Variants in CCDC158 observed in about 807,000 individuals in gnomAD.
The protein encoded by CCDC158 is coiled-coil domain-containing protein 158.
A neutral mutation model predicts 138.6 loss-of-function variants in CCDC158; 116 were observed. The ratio of observed to expected loss-of-function variants is 0.84; its 90% CI spans 0.72 to 0.98. The LOEUF (loss-of-function observed/expected upper bound fraction) is 0.98. CCDC158 is among the 50% of genes least tolerant of loss of function. The pLI is 0.00. For missense variants in CCDC158, 1,265 were observed against 1,306.1 expected (o/e 0.97, Z 0.48); for synonymous variants, 436 against 442.4 (o/e 0.99, Z 0.18).
intron 4 of CCDC158, among the ~76,000 whole-genome samples, chr4:76,393,748 A>G (rs929611884): frequency 2.0e-5 from 3 of 152,120 alleles, no homozygotes; most frequent in Non-Finnish European, 2.9e-5. Context: ...GGGATTAATT[A>G]CCAGAATATA....
At chr4:76,322,749 T>C (rs1720143548) in intron 24 of CCDC158, among the ~76,000 whole-genome samples, 1 of 152,214 alleles carries the variant, frequency 6.6e-6, no homozygotes, top group South Asian at 2.1e-4. Flanking sequence ...ACTTAGAACT[T>C]ATGCCCAAAA....
chr4:76,396,744 C>T (rs775216573), intron 3 of CCDC158, among the ~76,000 whole-genome samples: 4 of 151,986 alleles, frequency 2.6e-5, no homozygotes, highest in Admixed American at 2.0e-4. Context: ...GGTCTGGTCT[C>T]GTACTCCTGA....
intron 9 of CCDC158, among the ~76,000 whole-genome samples, chr4:76,373,657 G>T (rs368441592): frequency 6.6e-6 from 1 of 152,028 alleles, no homozygotes; most frequent in African/African-American, 2.4e-5. Context: ...ATAAGGAATA[G>T]AAGTTATATA....
At chr4:76,344,805 C>T (rs1309457079) in intron 18 of CCDC158, 47 of 1,604,526 alleles carry the variant, frequency 2.9e-5, no homozygotes, top group South Asian at 1.2e-4. Context: ...CAATGGTCCT[C>T]GAGAGAAGAT....
intron 6 of CCDC158, 48 bp downstream of exon 6, chr4:76,384,040 T>A (rs2110309023): frequency 7.9e-7 from 1 of 1,260,872 alleles, no homozygotes; most frequent in African/African-American, 1.5e-5. Flanking sequence ...GCTATTCTCT[T>A]AATGCATTTT....
intron 16 of CCDC158, 87 bp from the exon 17 acceptor site, chr4:76,351,899 C>A: frequency 1.3e-6 from 1 of 774,322 alleles, no homozygotes; most frequent in South Asian, 1.7e-5. Flanking sequence ...GCTGCCATCT[C>A]TTCAAAAAAT....
intron 7 of CCDC158, 33 bp downstream of exon 7, chr4:76,383,629 C>T (rs1217772902): frequency 6.6e-7 from 1 of 1,517,512 alleles, no homozygotes; most frequent in Non-Finnish European, 9.1e-7. Context: ...TTTAGTTTCG[C>T]TAGGCTTTTC....
chr4:76,334,211 C>T (rs769126653), intron 18 of CCDC158, 44 bp from the exon 19 acceptor site: 275 of 1,459,422 alleles, frequency 1.9e-4, no homozygotes, highest in Non-Finnish European at 2.3e-4. Flanking sequence ...TTTCAGATTT[C>T]TATGCTATTT....
intron 9 of CCDC158, among the ~76,000 whole-genome samples, chr4:76,374,164 A>C (rs1374299797): frequency 1.3e-5 from 2 of 152,198 alleles, no homozygotes; most frequent in African/African-American, 4.8e-5. Flanking sequence ...TTAAAAAAAC[A>C]AAAAAGTACT....
At position 76,375,625 on chromosome 4, in the gene CCDC158, A is replaced by G. The variant is rs56670714; in HGVS notation, c.1029+3665T>C. On this transcript the variant is annotated intron_variant, in intron 9 of 24. Coordinates refer to ENST00000682701, the MANE Select transcript of CCDC158 (RefSeq NM_001394954.1). ...TTTTGTTGTCAAAAAGCGAAAGTTA[A>G]GGGTAAAGCCAAATCTACAGAGCCA... is the stretch of plus-strand genomic sequence containing the variant. 5,898 of 702,964 alleles carry G rather than the reference A, an allele frequency of 8.4e-3. 242 individuals carry two copies. The African/African-American group carries it at 0.092, about 11-fold the overall frequency. 43.5% of individuals were successfully genotyped at this position (702,964 alleles called of 1,614,324 possible). A position where few individuals can be genotyped will look rare whatever the true frequency, so the allele number is the denominator to read the frequency against.
At chr4:76,380,941 G>A (rs558619757) in intron 8 of CCDC158, among the ~76,000 whole-genome samples, 4 of 152,238 alleles carry the variant, frequency 2.6e-5, no homozygotes, top group Non-Finnish European at 5.9e-5. Flanking sequence ...GCTTCAAAGG[G>A]TGCAAGCCCC....
Position 76,403,142 on chromosome 4 carries a change from A to G in CCDC158, c.66T>C (p.Asn22=), listed in dbSNP as rs1325769919. 1 of 1,603,334 alleles carries G rather than the reference A, an allele frequency of 6.2e-7. No homozygotes were observed. The highest frequency in any genetic ancestry group is 1.1e-5 in the South Asian group (1 of 89,590). Residue 22 remains asparagine (N), a synonymous_variant, in exon 3 of 25, where the codon AAT becomes AAC. Coordinates refer to ENST00000682701, the MANE Select transcript of CCDC158 (RefSeq NM_001394954.1). ...TGTTTTATAAACAGCACATACCTCC[A>G]TTAGATGTGACACCACTACTTGATA... The part of the protein sequence containing the change: ...DLLSSSGVTS[N]GGSSSSFFVS...
rs1720766930 is a variant in CCDC158 at position 76,328,895 on chromosome 4, C to T, written c.3010+5G>A. The T allele has an allele frequency of 1.9e-6, 3 of 1,612,274 alleles. No homozygotes were observed. The African/African-American group carries it at 4.0e-5, about 22-fold the overall frequency. Reference sequence around the variant, plus strand: ...CCTATTTCTGTGCTTTCATTGGAAACTCACCTGCAGATGTGAATGTGAAGC... The same window carrying T: ...CCTATTTCTGTGCTTTCATTGGAAATTCACCTGCAGATGTGAATGTGAAGC... On this transcript the variant is annotated splice_donor_5th_base_variant and intron_variant, in intron 22 of 24. Coordinates refer to ENST00000682701, the MANE Select transcript of CCDC158 (RefSeq NM_001394954.1).
intron 18 of CCDC158, chr4:76,344,410 T>C: frequency 3.3e-6 from 2 of 598,494 alleles, no homozygotes; most frequent in Non-Finnish European, 6.0e-6. Context: ...GCTGGTGGTA[T>C]TGTCTTGTGC....
chr4:76,417,352 G>A (rs898934769), intron 1 of CCDC158, among the ~76,000 whole-genome samples: 1 of 151,990 alleles, frequency 6.6e-6, no homozygotes, highest in Non-Finnish European at 1.5e-5. Flanking sequence ...CGTCTCAGAT[G>A]AGACTTTGGA....
At chr4:76,388,466 T>G (rs1458234281) in intron 4 of CCDC158, among the ~76,000 whole-genome samples, 1 of 152,120 alleles carries the variant, frequency 6.6e-6, no homozygotes, top group Non-Finnish European at 1.5e-5. Context: ...CCCCATGGAC[T>G]AGTGGTGGTG....
rs1278994856 is a variant in CCDC158 at position 76,325,991 on chromosome 4, G to A, written c.3035C>T (p.Ala1012Val). Residue 1012 changes from alanine to valine, a missense_variant, in exon 23 of 25, where the codon GCT becomes GTT. Coordinates refer to ENST00000682701, the MANE Select transcript of CCDC158 (RefSeq NM_001394954.1). The stretch of plus-strand genomic sequence containing the variant: ...AGGAGAAGAATTGAATGAACGAGAA[G>A]CTGAGTTTTTCACAGATGGACTTGC... Reference protein sequence around the residue: ...SAASPSVKNSASRSFNSSPKK... With the variant: ...SAASPSVKNSVSRSFNSSPKK... 5.6e-6 allele frequency: 9 copies of A among 1,612,426 alleles called. No individual in the cohort carries two copies. Among genetic ancestry groups the A allele is most frequent in the Non-Finnish European group, 7.6e-6 (9 of 1,179,378 alleles).
chr4:76,369,622 G>T lies in CCDC158; in HGVS notation c.1151C>A (p.Ala384Asp). Reference protein sequence around the residue: ...NLDDQLQKLLADLHKREKELS... With the variant: ...NLDDQLQKLLDDLHKREKELS... Reference sequence around the variant, plus strand: ...CTCCTTCTCCCTTTTGTGTAGATCAGCCTAAAAAAAGAGAGGAATGCTTTT... The same window carrying T: ...CTCCTTCTCCCTTTTGTGTAGATCATCCTAAAAAAAGAGAGGAATGCTTTT... The change falls in exon 11 of 25, where the codon GCT becomes GAT. Residue 384 changes from alanine (A) to aspartate (D), a missense_variant and splice_region_variant. Ala to Asp is a moderately radical substitution (Grantham distance 126). Transcript: ENST00000682701. 6.2e-7 allele frequency: 1 copy of T among 1,604,262 alleles called. No homozygotes were observed. The highest frequency in any genetic ancestry group is 8.5e-7 in the Non-Finnish European group (1 of 1,175,924).
intron 11 of CCDC158, 133 bp downstream of exon 11, chr4:76,369,293 G>T: frequency 3.2e-6 from 2 of 619,628 alleles, no homozygotes; most frequent in Non-Finnish European, 2.5e-6. Context: ...ATTGCTCACA[G>T]AATCCATAGC....
Sources: gnomAD v4.1 joint callset for allele counts (sites outside exome capture counted in the v4.1 genomes callset) on GRCh38, gnomAD v4.1.1 for gene constraint, MANE v1.5 for transcripts, NCBI Gene and HGNC (gene_info 2026-07-23, HGNC 2026-07-21) for gene names.